PPP2R2B: variants seen among roughly 807,000 people sequenced by gnomAD.
The protein encoded by PPP2R2B is protein phosphatase 2 regulatory subunit Bbeta.
In PPP2R2B, 5 loss-of-function variants were observed where a neutral mutation model predicts 46.0. The observed-to-expected ratio is 0.11, with a 90% CI of 0.06 to 0.23. The LOEUF is 0.23. Ranked by LOEUF, PPP2R2B falls within the 10% of genes least tolerant of loss-of-function variation. PPP2R2B has a pLI of 1.00. For synonymous variants in PPP2R2B, 215 were observed against 206.7 expected, an observed-to-expected ratio of 1.04 and a Z score of -0.34; for missense variants, 367 against 575.0, an observed-to-expected ratio of 0.64 and a Z score of 3.70.
At chr5:146,865,866 C>T (rs1274841046) in intron 2 of PPP2R2B, among the ~76,000 whole-genome samples, 2 of 152,172 alleles carry the variant, frequency 1.3e-5, no homozygotes, top group Non-Finnish European at 2.9e-5. Flanking sequence ...TGCCAGCATC[C>T]TACCAAGGCC....
At chr5:146,716,465 T>A (rs1251113145) in intron 2 of PPP2R2B, among the ~76,000 whole-genome samples, 1 of 152,110 alleles carries the variant, frequency 6.6e-6, no homozygotes, top group East Asian at 1.9e-4. Flanking sequence ...TCTCTAATAA[T>A]ACAATTTAGC....
chr5:147,006,005 C>T (rs1424061064), intron 1 of PPP2R2B, among the ~76,000 whole-genome samples: 1 of 152,144 alleles, frequency 6.6e-6, no homozygotes, highest in Non-Finnish European at 1.5e-5. Flanking sequence ...CCACTGACAA[C>T]CCATAGCCTT....
intron 6 of PPP2R2B, among the ~76,000 whole-genome samples, chr5:146,649,124 G>A (rs1775773848): frequency 6.6e-6 from 1 of 152,190 alleles, no homozygotes; most frequent in Non-Finnish European, 1.5e-5. Context: ...TGCTAGTGTA[G>A]GTAGGTAGAT....
intron 7 of PPP2R2B, among the ~76,000 whole-genome samples, chr5:146,603,512 A>G (rs1022082993): frequency 6.6e-6 from 1 of 152,156 alleles, no homozygotes; most frequent in African/African-American, 2.4e-5. Flanking sequence ...TCTTCAATCA[A>G]CCTACCACCA....
intron 7 of PPP2R2B, among the ~76,000 whole-genome samples, chr5:146,619,982 C>T (rs1581731417): frequency 6.6e-6 from 1 of 152,132 alleles, no homozygotes; most frequent in African/African-American, 2.4e-5. Context: ...GAATTGGCCC[C>T]ACAGAAAGGC....
intron 2 of PPP2R2B, among the ~76,000 whole-genome samples, chr5:146,804,351 C>T (rs1455944118): frequency 1.3e-5 from 2 of 152,076 alleles, no homozygotes; most frequent in African/African-American, 4.8e-5. Flanking sequence ...TTAGAGAAGA[C>T]CAGTGACTTG....
At chr5:146,917,008 T>G (rs957138336) in intron 1 of PPP2R2B, among the ~76,000 whole-genome samples, 1 of 152,182 alleles carries the variant, frequency 6.6e-6, no homozygotes, top group Non-Finnish European at 1.5e-5. Context: ...GAAGGTAAAG[T>G]ACATAATGTG....
At chr5:146,896,386 T>C (rs1762644839) in intron 1 of PPP2R2B, among the ~76,000 whole-genome samples, 1 of 152,234 alleles carries the variant, frequency 6.6e-6, no homozygotes, top group Non-Finnish European at 1.5e-5. Context: ...ACATGACTGA[T>C]GTGGGGCTCA....
chr5:146,742,232 G>C (rs992390676), intron 2 of PPP2R2B, among the ~76,000 whole-genome samples: 1 of 152,064 alleles, frequency 6.6e-6, no homozygotes, highest in Non-Finnish European at 1.5e-5. Context: ...TTCTTTTTTT[G>C]TGGGCTTTTT....
chr5:146,589,861 G>GCAT lies in PPP2R2B; in HGVS notation c.*83_*85dup, dbSNP rs1368432914. 1.6e-6 allele frequency: 2 copies of GCAT among 1,273,638 alleles called. No individual in the cohort carries two copies. Among genetic ancestry groups the GCAT allele is most frequent in the African/African-American group, 3.0e-5 (2 of 67,270 alleles). The allele number at this position is 1,273,638 out of a possible 1,614,324, so 78.9% of individuals were successfully genotyped here. On this transcript the variant is annotated 3_prime_UTR_variant, in exon 10 of 10. Transcript: ENST00000394411. ...CCTGTATAGGGAAATTAAAGTCAAT[G>GCAT]CATCAAATGAAGACCCAAAGAAACA...
intron 5 of PPP2R2B, among the ~76,000 whole-genome samples, chr5:146,674,058 T>C (rs948809710): frequency 6.6e-6 from 1 of 152,190 alleles, no homozygotes; most frequent in Non-Finnish European, 1.5e-5. Flanking sequence ...TATTCTTCCA[T>C]CCAAAAGTAG....
intron 1 of PPP2R2B, among the ~76,000 whole-genome samples, chr5:146,916,774 C>T (rs1763401814): frequency 6.6e-6 from 1 of 151,976 alleles, no homozygotes; most frequent in African/African-American, 2.4e-5. Flanking sequence ...AATTTTGTGA[C>T]TTGTAGTAAG....
At chr5:146,677,847 C>A (rs901281546) in intron 5 of PPP2R2B, among the ~76,000 whole-genome samples, 1 of 152,092 alleles carries the variant, frequency 6.6e-6, no homozygotes, top group African/African-American at 2.4e-5. Flanking sequence ...TATTTTCAAA[C>A]CAAAGATTCC....
intron 1 of PPP2R2B, among the ~76,000 whole-genome samples, chr5:146,913,512 A>G (rs1272165765): frequency 6.6e-6 from 1 of 151,754 alleles, no homozygotes; most frequent in Non-Finnish European, 1.5e-5. Context: ...TTCTATTTAT[A>G]TTCTAGGCCT....
chr5:146,620,592 A>T (rs1773596739), intron 7 of PPP2R2B, among the ~76,000 whole-genome samples: 1 of 152,112 alleles, frequency 6.6e-6, no homozygotes, highest in Non-Finnish European at 1.5e-5. Flanking sequence ...AAAAGTGTCC[A>T]TGGGCCTCTA....
intron 1 of PPP2R2B, among the ~76,000 whole-genome samples, chr5:146,951,689 C>T (rs893391420): frequency 6.6e-6 from 1 of 152,076 alleles, no homozygotes; most frequent in African/African-American, 2.4e-5. Context: ...AGGACATGAT[C>T]TCATTCCTTT....
intron 5 of PPP2R2B, among the ~76,000 whole-genome samples, chr5:146,663,458 T>C (rs1044930903): frequency 3.6e-4 from 50 of 138,584 alleles, no homozygotes; most frequent in African/African-American, 1.2e-3. Context: ...ATGAAATCCA[T>C]CCTATAAAAA....
At chr5:146,886,295 C>T (rs576122823) in intron 1 of PPP2R2B, among the ~76,000 whole-genome samples, 5 of 151,198 alleles carry the variant, frequency 3.3e-5, no homozygotes, top group East Asian at 3.9e-4. Flanking sequence ...GCCGAGACTG[C>T]GCCACAGCAC....
intron 1 of PPP2R2B, among the ~76,000 whole-genome samples, chr5:147,051,636 T>C (rs1436234653): frequency 6.6e-6 from 1 of 152,018 alleles, no homozygotes; most frequent in Non-Finnish European, 1.5e-5. Flanking sequence ...GCGTCCCTAC[T>C]GATTTCTTAG....
Sources: gnomAD v4.1 joint callset for allele counts (sites outside exome capture counted in the v4.1 genomes callset) on GRCh38, gnomAD v4.1.1 for gene constraint, MANE v1.5 for transcripts, NCBI Gene and HGNC (gene_info 2026-07-23, HGNC 2026-07-21) for gene names.